CDC14A: variants seen among roughly 807,000 people sequenced by gnomAD.
CDC14A encodes dual specificity protein phosphatase CDC14A.
CDC14A carries 53 observed loss-of-function variants against 74.4 expected under a neutral mutation model. The observed-to-expected ratio is 0.71, with a 90% CI of 0.57 to 0.89. CDC14A has a LOEUF of 0.89. Ranked by LOEUF, CDC14A falls within the 40% of genes least tolerant of loss-of-function variation. CDC14A has a pLI of 0.00. For synonymous variants in CDC14A, 247 were observed against 258.4 expected, an observed-to-expected ratio of 0.96 and a Z score of 0.43; for missense variants, 646 against 713.7, an observed-to-expected ratio of 0.91 and a Z score of 1.08.
At chr1:100,350,723 A>G (rs1260137721), upstream of CDC14A, among the ~76,000 whole-genome samples, 1 of 152,212 alleles carries the variant, frequency 6.6e-6, no homozygotes, top group Non-Finnish European at 1.5e-5. Flanking sequence ...TTAATGAAAA[A>G]TTGTTGGGGA....
intron 7 of CDC14A, among the ~76,000 whole-genome samples, chr1:100,443,711 AT>A (rs915144385): frequency 2.6e-5 from 4 of 151,658 alleles, no homozygotes; most frequent in Non-Finnish European, 5.9e-5. Flanking sequence ...AGTTCACTGA[AT>A]TTTTTTTTCC....
At chr1:100,384,859 T>G (rs896470262) in intron 3 of CDC14A, among the ~76,000 whole-genome samples, 1 of 152,240 alleles carries the variant, frequency 6.6e-6, no homozygotes. Context: ...TGGAGCTTAC[T>G]GCACTTTGGA....
At chr1:100,421,650 CT>C (rs1423387977) in intron 4 of CDC14A, among the ~76,000 whole-genome samples, 1 of 152,004 alleles carries the variant, frequency 6.6e-6, no homozygotes, top group Non-Finnish European at 1.5e-5. Flanking sequence ...GAGTGGAAAC[CT>C]TTTTTCCAGA....
Position 100,369,790 on chromosome 1 carries a change from C to T in CDC14A, c.141-7756C>T, listed in dbSNP as rs115758570. On this transcript the variant is annotated intron_variant, in intron 2 of 15. Coordinates refer to ENST00000336454, the MANE Select transcript of CDC14A (RefSeq NM_003672.4). ...TTAGTCATAAATTCTTTCCTGAGGC[C>T]GATATTTAGAATGGTGTTTCCTAGG... is the stretch of plus-strand genomic sequence containing the variant. 5.6e-3 allele frequency among the ~76,000 whole-genome samples: 851 copies of T among 151,190 alleles called. 9 individuals are homozygous for T. The highest frequency in any genetic ancestry group is 0.018 in the African/African-American group (760 of 41,280).
At chr1:100,516,993 C>T (rs961581405) in intron 15 of CDC14A, among the ~76,000 whole-genome samples, 2 of 152,196 alleles carry the variant, frequency 1.3e-5, no homozygotes, top group African/African-American at 2.4e-5. Context: ...TCCTGGTGCA[C>T]GATGTTAACT....
chr1:100,353,368 A>G (rs967125047), intron 1 of CDC14A, among the ~76,000 whole-genome samples: 1 of 151,810 alleles, frequency 6.6e-6, no homozygotes, highest in African/African-American at 2.4e-5. Context: ...ACACCCCCCA[A>G]GTCTCTCTCC....
Position 100,501,398 on chromosome 1 carries a change from A to G in CDC14A, c.1755+2136A>G, listed in dbSNP as rs572067983. On this transcript the variant is annotated intron_variant, in intron 15 of 15. Coordinates refer to ENST00000336454, the MANE Select transcript of CDC14A (RefSeq NM_003672.4). ...TGGTCAATAACAGACCATGTATACA[A>G]TGGTGGTCCCATAAGACTATAATGG... is the stretch of plus-strand genomic sequence containing the variant. 2.2e-4 allele frequency among the ~76,000 whole-genome samples: 33 copies of G among 152,254 alleles called. No individual in the cohort carries two copies. In the South Asian group the frequency reaches 6.4e-3, roughly 30 times the overall value.
chr1:100,460,552 A>G (rs567049640), intron 8 of CDC14A, among the ~76,000 whole-genome samples: 30 of 152,286 alleles, frequency 2.0e-4, no homozygotes, highest in African/African-American at 6.5e-4. Context: ...CATTCCTCAC[A>G]TGATAGAAAA....
intron 2 of CDC14A, among the ~76,000 whole-genome samples, chr1:100,359,654 AAG>A (rs1227513049): frequency 6.6e-6 from 1 of 152,180 alleles, no homozygotes; most frequent in Non-Finnish European, 1.5e-5. Flanking sequence ...ACCAAAAAGA[AAG>A]AGAGGAAAGA....
intron 6 of CDC14A, among the ~76,000 whole-genome samples, chr1:100,440,375 C>T (rs891982484): frequency 7.9e-5 from 12 of 152,102 alleles, no homozygotes; most frequent in African/African-American, 2.7e-4. Context: ...CCACCCCAGA[C>T]CCACTAAAAC....
At chr1:100,435,985 A>G (rs1664283466) in intron 5 of CDC14A, among the ~76,000 whole-genome samples, 1 of 152,286 alleles carries the variant, frequency 6.6e-6, no homozygotes, top group South Asian at 2.1e-4. Flanking sequence ...GAAAATGTTT[A>G]AATTCTGTTG....
At chr1:100,450,785 A>G (rs1178447906) in intron 7 of CDC14A, among the ~76,000 whole-genome samples, 1 of 151,940 alleles carries the variant, frequency 6.6e-6, no homozygotes, top group African/African-American at 2.4e-5. Flanking sequence ...CTTCCTCTTT[A>G]ATGATTGTTT....
chr1:100,455,960 C>T (rs1021470531), intron 8 of CDC14A, among the ~76,000 whole-genome samples: 1 of 152,202 alleles, frequency 6.6e-6, no homozygotes, highest in Non-Finnish European at 1.5e-5. Flanking sequence ...TCTTTTAACA[C>T]TCAACACAAC....
intron 10 of CDC14A, among the ~76,000 whole-genome samples, chr1:100,475,600 C>T (rs1312858646): frequency 6.6e-6 from 1 of 152,094 alleles, no homozygotes; most frequent in Non-Finnish European, 1.5e-5. Flanking sequence ...CAGGTGGAGG[C>T]AGGAATCTGG....
chr1:100,373,773 T>C (rs1654816310), intron 2 of CDC14A, among the ~76,000 whole-genome samples: 1 of 151,644 alleles, frequency 6.6e-6, no homozygotes. Context: ...AGAACTTTTA[T>C]TTCAAATCAC....
intron 10 of CDC14A, among the ~76,000 whole-genome samples, chr1:100,475,915 CT>C (rs1668847909): frequency 6.6e-6 from 1 of 152,128 alleles, no homozygotes. Flanking sequence ...CCAACTTAGC[CT>C]TCTTTGACAC....
intron 11 of CDC14A, among the ~76,000 whole-genome samples, chr1:100,493,685 C>T (rs904253000): frequency 2.6e-5 from 4 of 152,186 alleles, no homozygotes; most frequent in African/African-American, 7.2e-5. Flanking sequence ...CACTTGCACC[C>T]ATTCTTTAAG....
intron 15 of CDC14A, among the ~76,000 whole-genome samples, chr1:100,509,467 G>A (rs1649529707): frequency 6.6e-6 from 1 of 152,050 alleles, no homozygotes; most frequent in Non-Finnish European, 1.5e-5. Context: ...TTTGATTGTG[G>A]GTATACTCAG....
chr1:100,458,427 C>A (rs944932255), intron 8 of CDC14A, among the ~76,000 whole-genome samples: 5 of 152,138 alleles, frequency 3.3e-5, no homozygotes, highest in African/African-American at 1.2e-4. Context: ...TGTGCCCTGT[C>A]ATATTGACAT....
Sources: gnomAD v4.1 joint callset for allele counts (sites outside exome capture counted in the v4.1 genomes callset) on GRCh38, gnomAD v4.1.1 for gene constraint, MANE v1.5 for transcripts, NCBI Gene and HGNC (gene_info 2026-07-23, HGNC 2026-07-21) for gene names.